The following KDM2B variants were observed in gnomAD, a reference collection of about 807,000 sequenced individuals.
The protein encoded by KDM2B is lysine-specific demethylase 2B.
Under a neutral mutation model 150.0 loss-of-function variants are expected in KDM2B, and 26 were observed. That is an observed-to-expected ratio of 0.17 (90% CI 0.13 to 0.24). The LOEUF (loss-of-function observed/expected upper bound fraction) is 0.24, where lower values mean the gene tolerates loss of function less well. KDM2B is among the 10% of genes least tolerant of loss of function. The probability of loss-of-function intolerance (pLI) is 1.00; values close to 1 mark genes in which losing one functional copy is unlikely to be tolerated. For synonymous variants in KDM2B, 734 were observed against 729.5 expected (o/e 1.01, Z -0.10); for missense variants, 1,265 against 1,816.9 (o/e 0.70, Z 5.52).
At chr12:121,447,254 T>A (rs1335989339) in intron 13 of KDM2B, among the ~76,000 whole-genome samples, 1 of 152,188 alleles carries the variant, frequency 6.6e-6, no homozygotes, top group Non-Finnish European at 1.5e-5. Context: ...TCTCTTTTTT[T>A]TTTTTATTTT....
Position 121,513,597 on chromosome 12 carries a change from C to T in KDM2B, c.1048-195G>A, listed in dbSNP as rs1555304396. ...CAGCATGCACAAATGAGGCGGAGGA[C>T]GAGGCCCGCATGAGCGCCTCATCTC... On this transcript the variant is annotated intron_variant, in intron 9 of 22. Coordinates refer to ENST00000377071, the MANE Select transcript of KDM2B (RefSeq NM_032590.5). This position sits in a 1 kb window ranked among gnomAD's most constrained non-coding sequence, Gnocchi z 5.0. Among the ~76,000 whole-genome samples, 1 of 152,056 alleles carries T rather than the reference C, an allele frequency of 6.6e-6. No homozygotes were observed. Among genetic ancestry groups the T allele is most frequent in the Non-Finnish European group, 1.5e-5 (1 of 68,010 alleles).
At chr12:121,459,805 G>C (rs1406938670) in intron 12 of KDM2B, among the ~76,000 whole-genome samples, 1 of 151,706 alleles carries the variant, frequency 6.6e-6, no homozygotes, top group African/African-American at 2.4e-5. Context: ...ACTCCAGCCT[G>C]GGCAACAAGA....
At chr12:121,472,256 C>T (rs759304030) in intron 12 of KDM2B, among the ~76,000 whole-genome samples, 9 of 152,230 alleles carry the variant, frequency 5.9e-5, no homozygotes, top group Non-Finnish European at 8.8e-5. Context: ...CTTCAGGAGA[C>T]TTGCCCCCCT....
At chr12:121,567,477 G>T (rs540424934) in intron 4 of KDM2B, among the ~76,000 whole-genome samples, 1 of 152,160 alleles carries the variant, frequency 6.6e-6, no homozygotes, top group Non-Finnish European at 1.5e-5. Context: ...GCGATGGCGA[G>T]GCGGGAGGAT....
intron 4 of KDM2B, among the ~76,000 whole-genome samples, chr12:121,554,407 CT>C (rs113252090): frequency 0.13 from 19,422 of 145,124 alleles, 3,098 homozygotes; most frequent in African/African-American, 0.4. Context: ...TTGTAACATA[CT>C]TTTTTTTTTT....
At chr12:121,446,273 C>T (rs566472836) in intron 13 of KDM2B, among the ~76,000 whole-genome samples, 110 of 152,320 alleles carry the variant, frequency 7.2e-4, no homozygotes, top group African/African-American at 2.6e-3. Context: ...TGGCGGGCGC[C>T]TGTAGTCCCA....
intron 19 of KDM2B, 121 bp from the exon 20 acceptor site, chr12:121,441,354 G>T: frequency 1.1e-6 from 1 of 915,822 alleles, no homozygotes; most frequent in Non-Finnish European, 1.6e-6. Flanking sequence ...CAGCGCTCTG[G>T]ACCCTTCTCT....
At chr12:121,427,813 C>G (rs1872586614), downstream of KDM2B, among the ~76,000 whole-genome samples, 1 of 152,118 alleles carries the variant, frequency 6.6e-6, no homozygotes, top group Non-Finnish European at 1.5e-5. Context: ...CCCTACTTCC[C>G]TTAACTAGTC....
intron 12 of KDM2B, among the ~76,000 whole-genome samples, chr12:121,491,914 A>C (rs1171639530): frequency 6.6e-6 from 1 of 152,098 alleles, no homozygotes; most frequent in Non-Finnish European, 1.5e-5. Context: ...TGTAATCACA[A>C]CACTTTGGGA....
chr12:121,431,879 CTTTTTTT>C (rs77237915), intron 22 of KDM2B, among the ~76,000 whole-genome samples: 7 of 122,394 alleles, frequency 5.7e-5, no homozygotes, highest in East Asian at 4.6e-4. Flanking sequence ...TTTCTTTTTT[CTTTTTTT>C]TTTTTTTTTT....
chr12:121,472,079 T>C (rs1022476717), intron 12 of KDM2B, among the ~76,000 whole-genome samples: 4 of 152,138 alleles, frequency 2.6e-5, no homozygotes, highest in Non-Finnish European at 4.4e-5. Context: ...GCCAAGATCA[T>C]GCCACTGCAC....
chr12:121,444,094 AGGCCGTCCGGCG>A lies in KDM2B; in HGVS notation c.2357_2368del (p.Pro786_Gly789del). The stretch of plus-strand genomic sequence containing the variant: ...CACGTCGTCAGACTTTCTGCGCAGA[AGGCCGTCCGGCG>A]GCACCTTCTTCGAGTGCTCATCCGA... On this transcript the variant is annotated inframe_deletion, in exon 16 of 23. Coordinates refer to ENST00000377071, the MANE Select transcript of KDM2B (RefSeq NM_032590.5). 6.2e-7 allele frequency: 1 copy of A among 1,613,888 alleles called. No individual in the cohort carries two copies. Among genetic ancestry groups the A allele is most frequent in the Non-Finnish European group, 8.5e-7 (1 of 1,180,048 alleles).
At chr12:121,543,974 C>T (rs976197191) in intron 6 of KDM2B, among the ~76,000 whole-genome samples, 1 of 151,520 alleles carries the variant, frequency 6.6e-6, no homozygotes, top group Non-Finnish European at 1.5e-5. Context: ...ATTAGCCAGG[C>T]GTGGTGGTGT....
intron 4 of KDM2B, among the ~76,000 whole-genome samples, chr12:121,572,655 T>A (rs994388067): frequency 6.6e-6 from 1 of 152,020 alleles, no homozygotes; most frequent in African/African-American, 2.4e-5. Context: ...GACATTTCAT[T>A]TTATGATTAT....
chr12:121,558,792 T>C (rs1174906716), intron 4 of KDM2B, among the ~76,000 whole-genome samples: 1 of 152,074 alleles, frequency 6.6e-6, no homozygotes, highest in Non-Finnish European at 1.5e-5. Context: ...GGTTTAGCCA[T>C]GTTGGCCAGG....
In KDM2B at chr12:121,575,705, G is replaced by A; in HGVS notation, c.350+76C>T. The A allele has an allele frequency of 5.6e-6, 6 of 1,065,162 alleles. 1 individual carries two copies. In the South Asian group the frequency reaches 7.5e-5, roughly 13 times the overall value. 66.0% of individuals were successfully genotyped at this position (1,065,162 alleles called of 1,614,324 possible). ...AGTGATGAGAGGTGGGAAGAGGGTG[G>A]AAGAAATCCATCCCAAGCTATAAAG... On this transcript the variant is annotated intron_variant, in intron 3 of 22. Coordinates refer to ENST00000377071, the MANE Select transcript of KDM2B (RefSeq NM_032590.5). This position sits in a 1 kb window ranked among gnomAD's most constrained non-coding sequence, Gnocchi z 4.4.
rs142774572 is a variant in KDM2B at position 121,468,078 on chromosome 12, C to G, written c.1735-14734G>C. On this transcript the variant is annotated intron_variant, in intron 12 of 22. Coordinates refer to ENST00000377071, the MANE Select transcript of KDM2B (RefSeq NM_032590.5). The surrounding 1 kb of genome is among the most constrained non-coding windows in gnomAD (Gnocchi z 4.0). ...CGGGGGCTGTCAGAACGCCCTGACT[C>G]TACCCTGAGGTGGGCGCCCCCTCCC... is the stretch of plus-strand genomic sequence containing the variant. The G allele has an allele frequency of 6.6e-6, 1 of 152,452 alleles. No homozygotes were observed. The highest frequency in any genetic ancestry group is 2.4e-5 in the African/African-American group (1 of 41,588). 9.4% of individuals were successfully genotyped at this position (152,452 alleles called of 1,614,324 possible).
intron 12 of KDM2B, among the ~76,000 whole-genome samples, chr12:121,489,645 A>T (rs1175003152): frequency 6.6e-6 from 1 of 151,764 alleles, no homozygotes; most frequent in Non-Finnish European, 1.5e-5. Flanking sequence ...TTACCATGTT[A>T]GTGAGGCTGG....
rs1886645901 is a variant in KDM2B, at chr12:121,521,116, C to A, written c.932-16G>T. ...TGGATCCAACCTGGGGTGGGAAGGG[C>A]AAGGAGAGGATGAGCCGCTGGCCCC... On this transcript the variant is annotated splice_polypyrimidine_tract_variant and intron_variant, in intron 8 of 22. Coordinates refer to ENST00000377071, the MANE Select transcript of KDM2B (RefSeq NM_032590.5). The surrounding 1 kb of genome is among the most constrained non-coding windows in gnomAD (Gnocchi z 4.9). The A allele has an allele frequency of 6.3e-7, 1 of 1,587,106 alleles. No homozygotes were observed. Among genetic ancestry groups the A allele is most frequent in the African/African-American group, 1.3e-5 (1 of 74,460 alleles).
Sources: gnomAD v4.1 joint callset for allele counts (sites outside exome capture counted in the v4.1 genomes callset) on GRCh38, gnomAD v4.1.1 for gene constraint, Gnocchi (gnomAD v3.1) non-coding constraint, MANE v1.5 for transcripts, NCBI Gene and HGNC (gene_info 2026-07-23, HGNC 2026-07-21) for gene names.